OSBPL8: variants seen among roughly 807,000 people sequenced by gnomAD.
OSBPL8 encodes oxysterol binding protein like 8, also known as oxysterol-binding protein-related protein 8.
In OSBPL8, 59 loss-of-function variants were observed where a neutral mutation model predicts 125.5. That is an observed-to-expected ratio of 0.47 (90% CI 0.38 to 0.58). The LOEUF (loss-of-function observed/expected upper bound fraction) is 0.58. Among genes scored for constraint, OSBPL8 ranks in the 20% least tolerant of loss-of-function variants. The probability of loss-of-function intolerance (pLI) is 0.00; values close to 1 mark genes in which losing one functional copy is unlikely to be tolerated. For synonymous variants in OSBPL8, 330 were observed against 338.9 expected (o/e 0.97, Z 0.29); for missense variants, 758 against 1,047.8 (o/e 0.72, Z 3.82).
chr12:76,447,674 G>C (rs1418117473), intron 4 of OSBPL8, among the ~76,000 whole-genome samples: 1 of 151,998 alleles, frequency 6.6e-6, no homozygotes, highest in African/African-American at 2.4e-5. Context: ...CTCTCAAATA[G>C]CTAGGATTAC....
chr12:76,457,159 T>C (rs1364322998), intron 3 of OSBPL8, among the ~76,000 whole-genome samples: 1 of 152,200 alleles, frequency 6.6e-6, no homozygotes, highest in African/African-American at 2.4e-5. Context: ...TCACACAGCA[T>C]TTTAAGCAGA....
At chr12:76,420,387 C>T (rs966092102) in intron 4 of OSBPL8, among the ~76,000 whole-genome samples, 4 of 151,992 alleles carry the variant, frequency 2.6e-5, no homozygotes, top group African/African-American at 7.2e-5. Context: ...AACAAGCATA[C>T]CTAAAAGTAA....
At chr12:76,487,733 T>C (rs1479948756) in intron 1 of OSBPL8, 115 bp from the exon 2 acceptor site, 3 of 420,574 alleles carry the variant, frequency 7.1e-6, no homozygotes, top group Non-Finnish European at 1.2e-5. Context: ...ATTTGGAAAT[T>C]CAATAATTAA....
At chr12:76,372,000 C>G (rs907107217) in intron 18 of OSBPL8, 1 of 154,384 alleles carries the variant, frequency 6.5e-6, no homozygotes, top group African/African-American at 2.4e-5. Flanking sequence ...TCTGAAAGAG[C>G]CTTTACTAGC....
intron 2 of OSBPL8, 100 bp from the exon 3 acceptor site, chr12:76,459,995 GA>G (rs1874520325): frequency 9.1e-7 from 1 of 1,104,044 alleles, no homozygotes; most frequent in African/African-American, 1.5e-5. Context: ...AAAGGACAAG[GA>G]AAATAGCATT....
At chr12:76,444,012 T>C (rs1436193934) in intron 4 of OSBPL8, among the ~76,000 whole-genome samples, 1 of 152,000 alleles carries the variant, frequency 6.6e-6, no homozygotes, top group Non-Finnish European at 1.5e-5. Flanking sequence ...TCTAAACATA[T>C]AACAAACAAA....
At chr12:76,487,174 C>T (rs1369096174) in intron 2 of OSBPL8, among the ~76,000 whole-genome samples, 1 of 151,824 alleles carries the variant, frequency 6.6e-6, no homozygotes, top group Non-Finnish European at 1.5e-5. Context: ...GGACTACAGG[C>T]ATGTGCCACC....
At chr12:76,556,654 G>A (rs1427567313) in intron 1 of OSBPL8, among the ~76,000 whole-genome samples, 1 of 152,032 alleles carries the variant, frequency 6.6e-6, no homozygotes, top group African/African-American at 2.4e-5. Flanking sequence ...ATATTTCTCA[G>A]AGGCTTTTTG....
intron 3 of OSBPL8, among the ~76,000 whole-genome samples, chr12:76,454,027 A>G (rs1873725001): frequency 1.3e-5 from 2 of 152,330 alleles, no homozygotes; most frequent in South Asian, 2.1e-4. Context: ...ACAAAAATTA[A>G]TGTCTGATAA....
chr12:76,528,055 G>A (rs1950225466), intron 1 of OSBPL8, among the ~76,000 whole-genome samples: 1 of 152,160 alleles, frequency 6.6e-6, no homozygotes, highest in South Asian at 2.1e-4. Context: ...AGGCACGGTG[G>A]CTCACACCTG....
At chr12:76,473,270 A>C (rs111754219) in intron 2 of OSBPL8, among the ~76,000 whole-genome samples, 5,997 of 152,218 alleles carry the variant, frequency 0.039, 355 homozygotes, top group African/African-American at 0.13. Flanking sequence ...CATTATGTCT[A>C]TGATCTAGAT....
chr12:76,364,252 A>C (rs377095555), intron 21 of OSBPL8, among the ~76,000 whole-genome samples: 2 of 152,236 alleles, frequency 1.3e-5, no homozygotes, highest in East Asian at 3.8e-4. Context: ...AACCAACCCA[A>C]ATGCCCATCA....
At chr12:76,546,027 T>C (rs953661053) in intron 1 of OSBPL8, among the ~76,000 whole-genome samples, 3 of 152,154 alleles carry the variant, frequency 2.0e-5, no homozygotes, top group African/African-American at 7.2e-5. Context: ...ATTCGTAAGA[T>C]GTTAAAACCA....
intron 18 of OSBPL8, among the ~76,000 whole-genome samples, chr12:76,372,258 G>A (rs1054970937): frequency 2.0e-5 from 3 of 151,342 alleles, no homozygotes; most frequent in African/African-American, 7.3e-5. Flanking sequence ...CAGGCTGGAG[G>A]GCAGTAGCAC....
chr12:76,518,173 T>C (rs1046340023), intron 1 of OSBPL8, among the ~76,000 whole-genome samples: 3 of 152,150 alleles, frequency 2.0e-5, no homozygotes, highest in African/African-American at 7.2e-5. Flanking sequence ...AACAAGTAAC[T>C]TGATAGATCA....
At chr12:76,536,618 C>A (rs1229588762) in intron 1 of OSBPL8, among the ~76,000 whole-genome samples, 2 of 151,816 alleles carry the variant, frequency 1.3e-5, no homozygotes, top group African/African-American at 2.4e-5. Context: ...TGGAATAAAT[C>A]CTGAAAGAAT....
intron 4 of OSBPL8, among the ~76,000 whole-genome samples, chr12:76,415,629 T>C (rs759427429): frequency 2.6e-5 from 4 of 152,222 alleles, no homozygotes; most frequent in Non-Finnish European, 4.4e-5. Flanking sequence ...CAGTAAACTA[T>C]ATTTACTAAG....
chr12:76,367,871 T>C (rs1592532734), intron 21 of OSBPL8, among the ~76,000 whole-genome samples: 1 of 152,384 alleles, frequency 6.6e-6, no homozygotes, highest in Non-Finnish European at 1.5e-5. Flanking sequence ...TGTAATGAAC[T>C]ATATCTTTAC....
chr12:76,496,221 T>C (rs917689215), intron 1 of OSBPL8, among the ~76,000 whole-genome samples: 1 of 152,188 alleles, frequency 6.6e-6, no homozygotes, highest in Non-Finnish European at 1.5e-5. Context: ...GCTCTGCTGT[T>C]TGGTGTTCTT....
Sources: allele counts gnomAD v4.1 joint callset (sites outside exome capture counted in the v4.1 genomes callset), GRCh38; gene constraint gnomAD v4.1.1; transcripts MANE v1.5; gene names NCBI Gene and HGNC (gene_info 2026-07-23, HGNC 2026-07-21).